SLC2A13: variants seen among roughly 807,000 people sequenced by gnomAD.
SLC2A13 encodes solute carrier family 2 member 13, also known as proton myo-inositol cotransporter.
Under a neutral mutation model 64.4 loss-of-function variants are expected in SLC2A13, and 32 were observed. The observed-to-expected ratio is 0.50, with a 90% CI of 0.37 to 0.67. The LOEUF (loss-of-function observed/expected upper bound fraction) is 0.67. Among genes scored for constraint, SLC2A13 ranks in the 30% least tolerant of loss-of-function variants. The probability of loss-of-function intolerance (pLI) is 0.00; values close to 1 mark genes in which losing one functional copy is unlikely to be tolerated. For missense variants in SLC2A13, 743 were observed against 829.2 expected, an observed-to-expected ratio of 0.90 and a Z score of 1.28; for synonymous variants, 338 against 327.1, an observed-to-expected ratio of 1.03 and a Z score of -0.36.
intron 6 of SLC2A13, among the ~76,000 whole-genome samples, chr12:39,832,834 T>C (rs781048657): frequency 6.6e-6 from 1 of 152,076 alleles, no homozygotes; most frequent in African/African-American, 2.4e-5. Flanking sequence ...CCTAGCCCTA[T>C]ATGAATGCAA....
intron 7 of SLC2A13, among the ~76,000 whole-genome samples, chr12:39,783,469 T>TA (rs1373133850): frequency 6.6e-6 from 1 of 152,222 alleles, no homozygotes; most frequent in Non-Finnish European, 1.5e-5. Context: ...ATGGTTGAAC[T>TA]AGTTTACAGT....
At chr12:39,944,179 C>T (rs917692146) in intron 4 of SLC2A13, among the ~76,000 whole-genome samples, 1 of 152,136 alleles carries the variant, frequency 6.6e-6, no homozygotes, top group Non-Finnish European at 1.5e-5. Context: ...AGTTGATTTC[C>T]AGTTTTATTC....
rs539317472 is a variant in SLC2A13, at chr12:39,966,469, T to G, written c.926-15104A>C. Among the ~76,000 whole-genome samples, 3 of 152,202 alleles carry G rather than the reference T, an allele frequency of 2.0e-5. No individual in the cohort carries two copies. The East Asian group carries it at 5.8e-4, about 29-fold the overall frequency. The stretch of plus-strand genomic sequence containing the variant: ...TTCTGGAAAACTGGCAGAATTTCAG[T>G]AGAGAATGATTAACAGCAGGAAACC... On this transcript the variant is annotated intron_variant, in intron 3 of 9. Transcript: ENST00000280871.
intron 3 of SLC2A13, among the ~76,000 whole-genome samples, chr12:40,020,578 A>T (rs1349610387): frequency 6.6e-6 from 1 of 152,174 alleles, no homozygotes; most frequent in African/African-American, 2.4e-5. Flanking sequence ...ACTAATACAC[A>T]TGGCCATTGA....
At chr12:39,896,389 T>G (rs1298362967) in intron 4 of SLC2A13, among the ~76,000 whole-genome samples, 1 of 141,252 alleles carries the variant, frequency 7.1e-6, no homozygotes, top group African/African-American at 2.8e-5. Context: ...TGTATGTATA[T>G]GTGTATATAT....
chr12:39,925,223 C>T (rs529144558), intron 4 of SLC2A13, among the ~76,000 whole-genome samples: 151 of 151,710 alleles, frequency 1.0e-3, no homozygotes, highest in Admixed American at 2.8e-3. Flanking sequence ...TCTGTAGAGA[C>T]GGGGTTTCAC....
intron 4 of SLC2A13, among the ~76,000 whole-genome samples, chr12:39,921,081 A>G (rs1945607680): frequency 6.6e-6 from 1 of 152,114 alleles, no homozygotes; most frequent in African/African-American, 2.4e-5. Flanking sequence ...CAAAATTGAA[A>G]ATATAATTGA....
intron 3 of SLC2A13, among the ~76,000 whole-genome samples, chr12:39,985,135 A>G (rs549516086): frequency 2.0e-5 from 3 of 152,330 alleles, no homozygotes; most frequent in Admixed American, 2.0e-4. Flanking sequence ...AAAATTACAA[A>G]AAATGAAAAA....
intron 7 of SLC2A13, among the ~76,000 whole-genome samples, chr12:39,781,550 G>T (rs957992248): frequency 2.6e-5 from 4 of 152,192 alleles, no homozygotes; most frequent in Admixed American, 6.5e-5. Context: ...ACAAAATATT[G>T]TCTCACAGTT....
At chr12:40,058,037 C>G (rs1327686355) in intron 1 of SLC2A13, among the ~76,000 whole-genome samples, 2 of 139,706 alleles carry the variant, frequency 1.4e-5, no homozygotes, top group Non-Finnish European at 3.1e-5. Context: ...TTGAAAATTT[C>G]TCTCCAGATA....
chr12:39,953,503 A>T (rs887601842), intron 3 of SLC2A13, among the ~76,000 whole-genome samples: 1 of 152,188 alleles, frequency 6.6e-6, no homozygotes, highest in African/African-American at 2.4e-5. Flanking sequence ...TATATCACAG[A>T]ATCTATGAGG....
chr12:39,868,461 A>C (rs766944478), intron 5 of SLC2A13, among the ~76,000 whole-genome samples: 1 of 152,246 alleles, frequency 6.6e-6, no homozygotes, highest in East Asian at 1.9e-4. Flanking sequence ...CTTTGTGTGC[A>C]TAAGTATCAC....
chr12:39,891,883 A>G (rs116456919), intron 4 of SLC2A13, among the ~76,000 whole-genome samples: 1,767 of 152,306 alleles, frequency 0.012, 28 homozygotes, highest in African/African-American at 0.039. Flanking sequence ...TGGTTTGATC[A>G]TTATTATTAG....
At position 39,830,115 on chromosome 12, in the gene SLC2A13, G is replaced by T. The variant is rs760898122; in HGVS notation, c.1433C>A (p.Ala478Glu). The T allele has an allele frequency of 2.5e-6, 4 of 1,613,520 alleles. No individual in the cohort carries two copies. The highest frequency in any genetic ancestry group is 2.5e-6 in the Non-Finnish European group (3 of 1,179,728). ...VPVNKASTNE[A>E]AWGRCENETK... ...ATGAGTGATATACCTGCCCCAGGCT[G>T]CCTCATTTGTAGATGCTTTATTAAC... The change falls in exon 7 of 10, where the codon GCA (alanine) becomes GAA (glutamate). Residue 478 changes from alanine (A) to glutamate (E), a missense_variant. Ala to Glu is a moderately radical substitution (Grantham distance 107). Coordinates refer to ENST00000280871, the MANE Select transcript of SLC2A13 (RefSeq NM_052885.4).
chr12:39,917,913 C>T (rs1945547425), intron 4 of SLC2A13, among the ~76,000 whole-genome samples: 1 of 151,950 alleles, frequency 6.6e-6, no homozygotes, highest in Admixed American at 6.6e-5. Context: ...TTATTATTTT[C>T]CTTCTTCCCT....
intron 7 of SLC2A13, among the ~76,000 whole-genome samples, chr12:39,775,681 C>G (rs1168465655): frequency 6.6e-6 from 1 of 152,126 alleles, no homozygotes; most frequent in Non-Finnish European, 1.5e-5. Flanking sequence ...GGTAAGATAT[C>G]AAACTACAAA....
At position 39,852,290 on chromosome 12, in the gene SLC2A13, C is replaced by G. The variant is rs180812890; in HGVS notation, c.1319+12472G>C. Among the ~76,000 whole-genome samples, 107 of 152,306 alleles carry G rather than the reference C, an allele frequency of 7.0e-4. 1 individual carries two copies. The East Asian group carries it at 0.015, about 21-fold the overall frequency. Reference sequence around the variant, plus strand: ...TCTGAGAAATGCTGGTCAGATTTCCCTTTATGGGCCTAAAGTTGTCTAAAC... The same window carrying G: ...TCTGAGAAATGCTGGTCAGATTTCCGTTTATGGGCCTAAAGTTGTCTAAAC... On this transcript the variant is annotated intron_variant, in intron 6 of 9. Coordinates refer to ENST00000280871, the MANE Select transcript of SLC2A13 (RefSeq NM_052885.4).
chr12:39,896,534 ATGTATG>A, intron 4 of SLC2A13, among the ~76,000 whole-genome samples: 2 of 141,112 alleles, frequency 1.4e-5, no homozygotes, highest in East Asian at 4.2e-4. Context: ...GTATACATGT[ATGTATG>A]TATGTGTGTA....
chr12:39,994,127 C>T (rs536728050), intron 3 of SLC2A13, among the ~76,000 whole-genome samples: 18 of 152,226 alleles, frequency 1.2e-4, no homozygotes, highest in African/African-American at 4.1e-4. Flanking sequence ...CGGTGGCTCA[C>T]GCCTGTAATC....
Sources: gnomAD v4.1 joint callset for allele counts (sites outside exome capture counted in the v4.1 genomes callset) on GRCh38, gnomAD v4.1.1 for gene constraint, MANE v1.5 for transcripts, NCBI Gene and HGNC (gene_info 2026-07-23, HGNC 2026-07-21) for gene names.